RBFOX1: variants seen among roughly 807,000 people sequenced by gnomAD.
The protein encoded by RBFOX1 is RNA binding protein fox-1 homolog 1.
RBFOX1 carries 8 observed loss-of-function variants against 57.7 expected under a neutral mutation model. The observed-to-expected ratio is 0.14, with a 90% CI of 0.08 to 0.25. RBFOX1 has a LOEUF of 0.25. Among genes scored for constraint, RBFOX1 ranks in the 10% least tolerant of loss-of-function variants. RBFOX1 has a pLI of 1.00. For synonymous variants in RBFOX1, 326 were observed against 222.4 expected (o/e 1.47, Z -4.15); for missense variants, 611 against 548.5 (o/e 1.11, Z -1.14).
At chr16:5,550,906 G>T (rs775358320) in intron 2 of RBFOX1, among the ~76,000 whole-genome samples, 1 of 152,108 alleles carries the variant, frequency 6.6e-6, no homozygotes, top group African/African-American at 2.4e-5. Flanking sequence ...AAAGAAAATG[G>T]TATATCCACA....
At position 6,829,729 on chromosome 16, in the gene RBFOX1, G is replaced by T. The variant is rs940885904; in HGVS notation, c.-16+175079G>T. On this transcript the variant is annotated intron_variant, in intron 3 of 15. Coordinates refer to ENST00000550418, the MANE Select transcript of RBFOX1 (RefSeq NM_018723.4). The stretch of plus-strand genomic sequence containing the variant: ...AGATTCTTCTGTCTCAGCCTCCTGA[G>T]TAGCTGGAATTACAGGCACCTGCCA... Among the ~76,000 whole-genome samples, 6 of 152,126 alleles carry T rather than the reference G, an allele frequency of 3.9e-5. 1 individual carries two copies. In the East Asian group the frequency reaches 1.2e-3, roughly 29 times the overall value.
At chr16:7,084,012 G>T (rs1159845982) in intron 4 of RBFOX1, among the ~76,000 whole-genome samples, 8 of 152,016 alleles carry the variant, frequency 5.3e-5, no homozygotes, top group African/African-American at 1.9e-4. Flanking sequence ...CCTGTTAAAG[G>T]CCCTAACACT....
chr16:5,401,498 C>T (rs926996281), intron 1 of RBFOX1, among the ~76,000 whole-genome samples: 5 of 152,104 alleles, frequency 3.3e-5, no homozygotes, highest in Non-Finnish European at 5.9e-5. Flanking sequence ...TGCCGTTAGT[C>T]CTCTTTTGTG....
At chr16:5,898,436 C>G (rs939813110) in intron 4 of RBFOX1, among the ~76,000 whole-genome samples, 4 of 152,016 alleles carry the variant, frequency 2.6e-5, no homozygotes, top group Non-Finnish European at 4.4e-5. Flanking sequence ...TATCAGACCT[C>G]TGATTCATCC....
chr16:7,707,847 C>T (rs538759467), intron 14 of RBFOX1, among the ~76,000 whole-genome samples: 2 of 152,298 alleles, frequency 1.3e-5, no homozygotes, highest in East Asian at 3.9e-4. Context: ...CCTACTTGCC[C>T]CTCTCTTCCT....
Position 6,396,697 on chromosome 16 carries a change from A to G in RBFOX1, c.-64+79640A>G, listed in dbSNP as rs899574536. On this transcript the variant is annotated intron_variant, in intron 2 of 15. Coordinates refer to ENST00000550418, the MANE Select transcript of RBFOX1 (RefSeq NM_018723.4). ...GTTAACAAAATTCAGCCTCATTAAT[A>G]TATTATCCATGATGTCCTTTTAAAT... Among the ~76,000 whole-genome samples, 7 of 152,310 alleles carry G rather than the reference A, an allele frequency of 4.6e-5. 1 individual carries two copies. The highest frequency in any genetic ancestry group is 4.1e-4 in the South Asian group (2 of 4,830).
At chr16:6,227,038 C>T (rs958410552) in intron 1 of RBFOX1, among the ~76,000 whole-genome samples, 3 of 151,508 alleles carry the variant, frequency 2.0e-5, no homozygotes, top group Admixed American at 2.0e-4. Flanking sequence ...GCAGGATAAT[C>T]GCTTGAATCT....
intron 2 of RBFOX1, among the ~76,000 whole-genome samples, chr16:6,513,914 C>G (rs556300670): frequency 6.6e-6 from 1 of 152,042 alleles, no homozygotes; most frequent in Non-Finnish European, 1.5e-5. Flanking sequence ...GAAAGAGATC[C>G]CCAAGTGGAA....
chr16:6,293,037 T>C (rs1416959339), intron 1 of RBFOX1, among the ~76,000 whole-genome samples: 1 of 152,204 alleles, frequency 6.6e-6, no homozygotes, highest in Admixed American at 6.5e-5. Flanking sequence ...TGGAGGAATG[T>C]CTACCCCCTT....
intron 1 of RBFOX1, among the ~76,000 whole-genome samples, chr16:5,376,525 G>A (rs2065987757): frequency 6.6e-6 from 1 of 152,174 alleles, no homozygotes; most frequent in South Asian, 2.1e-4. Context: ...CAGTGGGAGA[G>A]TCGGGAAAGG....
chr16:7,043,321 C>T (rs1279332541), intron 3 of RBFOX1, among the ~76,000 whole-genome samples: 10 of 152,128 alleles, frequency 6.6e-5, no homozygotes, highest in Non-Finnish European at 1.0e-4. Context: ...ATTCATCACT[C>T]CTCCCCTGTC....
intron 1 of RBFOX1, among the ~76,000 whole-genome samples, chr16:6,137,624 T>A (rs1033622893): frequency 1.4e-4 from 21 of 147,302 alleles, no homozygotes; most frequent in Non-Finnish European, 2.8e-4. Flanking sequence ...TTTTTTTTTT[T>A]TTTTTTTTTG....
intron 3 of RBFOX1, among the ~76,000 whole-genome samples, chr16:6,840,993 A>G (rs779038392): frequency 7.2e-5 from 11 of 152,104 alleles, no homozygotes; most frequent in Non-Finnish European, 1.2e-4. Flanking sequence ...CTCACCAGAC[A>G]CTGAATCTGC....
intron 1 of RBFOX1, among the ~76,000 whole-genome samples, chr16:5,414,005 G>A (rs2067093461): frequency 6.6e-6 from 1 of 152,198 alleles, no homozygotes; most frequent in African/African-American, 2.4e-5. Flanking sequence ...GCTCTGGAAA[G>A]GTGTGAGTCA....
At chr16:6,704,135 C>G (rs1348333924) in intron 3 of RBFOX1, 1 of 152,202 alleles carries the variant, frequency 6.6e-6, no homozygotes, top group Non-Finnish European at 1.5e-5. Flanking sequence ...CACCTTCCTC[C>G]TAGCCCCATG....
chr16:6,682,878 A>AAG (rs995462729), intron 3 of RBFOX1, among the ~76,000 whole-genome samples: 53 of 151,760 alleles, frequency 3.5e-4, no homozygotes, highest in African/African-American at 1.2e-3. Flanking sequence ...ATTAAAAAAA[A>AAG]AAAAAAAAGG....
chr16:7,527,770 A>G (rs566549714), intron 5 of RBFOX1, among the ~76,000 whole-genome samples: 1 of 152,200 alleles, frequency 6.6e-6, no homozygotes, highest in Admixed American at 6.5e-5. Context: ...ACATTCTACC[A>G]GATCGACCAT....
At chr16:6,497,000 T>A (rs2095789702) in intron 2 of RBFOX1, among the ~76,000 whole-genome samples, 1 of 152,194 alleles carries the variant, frequency 6.6e-6, no homozygotes, top group African/African-American at 2.4e-5. Context: ...AAGTATAGTA[T>A]CTGCCAAGTA....
At chr16:6,041,610 G>C (rs1166333677) in intron 1 of RBFOX1, among the ~76,000 whole-genome samples, 1 of 152,128 alleles carries the variant, frequency 6.6e-6, no homozygotes, top group Non-Finnish European at 1.5e-5. Context: ...GCAGAGCCAG[G>C]ATGCAAACTC....
Sources: allele counts gnomAD v4.1 joint callset (sites outside exome capture counted in the v4.1 genomes callset), GRCh38; gene constraint gnomAD v4.1.1; transcripts MANE v1.5; gene names NCBI Gene and HGNC (gene_info 2026-07-23, HGNC 2026-07-21).